Variants in EPHX2 observed in about 807,000 individuals in gnomAD.
EPHX2 encodes the protein bifunctional epoxide hydrolase 2.
Under a neutral mutation model 78.7 loss-of-function variants are expected in EPHX2, and 74 were observed. The ratio of observed to expected loss-of-function variants is 0.94; its 90% CI spans 0.78 to 1.14. The LOEUF (loss-of-function observed/expected upper bound fraction) is 1.14, where lower values mean the gene tolerates loss of function less well. EPHX2 is among the 50% of genes most tolerant of loss of function. The pLI, the probability that EPHX2 is intolerant of heterozygous loss-of-function variation, is 0.00. For missense variants in EPHX2, 715 were observed against 702.5 expected (o/e 1.02, Z -0.20); for synonymous variants, 251 against 255.2 (o/e 0.98, Z 0.16).
intron 1 of EPHX2, among the ~76,000 whole-genome samples, chr8:27,493,512 T>C (rs1451494471): frequency 6.6e-6 from 1 of 152,196 alleles, no homozygotes; most frequent in Admixed American, 6.5e-5. Context: ...GGTAGTAGGA[T>C]AATGAAGTAG....
At chr8:27,512,138 T>C in intron 6 of EPHX2, 1 of 511,932 alleles carries the variant, frequency 2.0e-6, no homozygotes, top group Admixed American at 3.4e-5. Context: ...GTGACATTTG[T>C]TAAATATCGA....
chr8:27,516,330 T>G lies in EPHX2; in HGVS notation c.842T>G (p.Leu281Arg). Residue 281 changes from leucine to arginine, a missense_variant, in exon 8 of 19, where the codon CTG (leucine) becomes CGG (arginine). By Grantham distance (102) the Leu-to-Arg change is moderately radical. Coordinates refer to ENST00000521400, the MANE Select transcript of EPHX2 (RefSeq NM_001979.6). Reference sequence around the variant, plus strand: ...CTGTTTGTTTTCTAGATCCCTGCTCTGGCCCAGGCAGGTTACCGGGTCCTA... The same window carrying G: ...CTGTTTGTTTTCTAGATCCCTGCTCGGGCCCAGGCAGGTTACCGGGTCCTA... ...WYSWRYQIPA[L>R]AQAGYRVLAM... The G allele has an allele frequency of 6.2e-7, 1 of 1,613,996 alleles. No individual in the cohort carries two copies. Among genetic ancestry groups the G allele is most frequent in the Non-Finnish European group, 8.5e-7 (1 of 1,179,910 alleles).
At chr8:27,511,427 A>G (rs1275192598) in intron 5 of EPHX2, among the ~76,000 whole-genome samples, 2 of 152,274 alleles carry the variant, frequency 1.3e-5, no homozygotes, top group Admixed American at 1.3e-4. Flanking sequence ...GCCAGTGGCC[A>G]GGGGCTTCGC....
At chr8:27,494,633 T>C (rs10110405) in intron 1 of EPHX2, among the ~76,000 whole-genome samples, 17,561 of 152,266 alleles carry the variant, frequency 0.12, 1,067 homozygotes, top group African/African-American at 0.17. Flanking sequence ...TATTCTTTGT[T>C]CCCCCAGAGG....
chr8:27,530,059 C>T (rs1259013930), intron 12 of EPHX2, among the ~76,000 whole-genome samples: 4 of 133,258 alleles, frequency 3.0e-5, no homozygotes, highest in Non-Finnish European at 6.0e-5. Flanking sequence ...AACATTGAGT[C>T]TCTCTCTCTT....
chr8:27,523,771 T>A (rs962939761), intron 11 of EPHX2, among the ~76,000 whole-genome samples: 8 of 152,228 alleles, frequency 5.3e-5, no homozygotes, highest in African/African-American at 1.9e-4. Flanking sequence ...TCTCTTTCTC[T>A]GTCCCCTCTC....
chr8:27,505,995 TA>T (rs1386084194), intron 4 of EPHX2, among the ~76,000 whole-genome samples: 1 of 152,184 alleles, frequency 6.6e-6, no homozygotes, highest in Non-Finnish European at 1.5e-5. Context: ...CTAATTAATT[TA>T]TTTTTTCTTA....
At position 27,544,431 on chromosome 8, in the gene EPHX2, C is replaced by G. The variant is rs747359301; in HGVS notation, c.1590-13C>G. On this transcript the variant is annotated splice_polypyrimidine_tract_variant and intron_variant, in intron 18 of 18. Transcript: ENST00000521400. ...ATGGCTATTTTTTTCTTTTACTTCTCCCTTTCCCCCAGGCCAACCGAGGTG... is the reference window on the plus strand; with the variant it reads ...ATGGCTATTTTTTTCTTTTACTTCTGCCTTTCCCCCAGGCCAACCGAGGTG... 1 of 1,614,042 alleles carries G rather than the reference C, an allele frequency of 6.2e-7. No individual in the cohort carries two copies. Among genetic ancestry groups the G allele is most frequent in the South Asian group, 1.1e-5 (1 of 91,068 alleles).
At chr8:27,547,307 A>T (rs563364883), downstream of EPHX2, among the ~76,000 whole-genome samples, 2 of 152,314 alleles carry the variant, frequency 1.3e-5, no homozygotes, top group African/African-American at 4.8e-5. Flanking sequence ...CAACTGTTGC[A>T]GTGGTGGTAT....
chr8:27,535,565 G>A (rs1018772469), intron 12 of EPHX2, among the ~76,000 whole-genome samples: 1 of 152,094 alleles, frequency 6.6e-6, no homozygotes, highest in African/African-American at 2.4e-5. Context: ...AACAGCTTTC[G>A]GGTCCACCAT....
chr8:27,512,676 G>T (rs937244417), intron 6 of EPHX2, among the ~76,000 whole-genome samples: 1 of 152,058 alleles, frequency 6.6e-6, no homozygotes, highest in Non-Finnish European at 1.5e-5. Context: ...AATATGAAAG[G>T]ATCTAAAGCA....
chr8:27,537,494 G>A (rs1258407257), intron 13 of EPHX2, among the ~76,000 whole-genome samples: 1 of 152,174 alleles, frequency 6.6e-6, no homozygotes, highest in Admixed American at 6.5e-5. Context: ...TTCTGTCATT[G>A]CTTGTGAGTC....
chr8:27,526,970 G>T (rs868011581), intron 12 of EPHX2, among the ~76,000 whole-genome samples: 9 of 151,898 alleles, frequency 5.9e-5, no homozygotes, highest in African/African-American at 2.2e-4. Context: ...AGGCGGAGTC[G>T]CCCTCTGTTG....
rs766377908 is a variant in EPHX2 at position 27,503,752 on chromosome 8, T to TGC, written c.335_336insGC (p.Arg113ProfsTer28). On this transcript the variant is annotated frameshift_variant, in exon 3 of 19. Transcript: ENST00000521400. LOFTEE classifies it high-confidence loss of function. ...CCCATGCTCCAGGCAGCTCTCATGCTCAGGAAGAAAGGTAAGGATCTGATA... is the reference window on the plus strand; with the variant it reads ...CCCATGCTCCAGGCAGCTCTCATGCTGCCAGGAAGAAAGGTAAGGATCTGATA... 6.2e-7 allele frequency: 1 copy of TGC among 1,611,654 alleles called. No individual in the cohort carries two copies. Among genetic ancestry groups the TGC allele is most frequent in the Non-Finnish European group, 8.5e-7 (1 of 1,179,892 alleles).
At chr8:27,532,826 A>T (rs575762260) in intron 12 of EPHX2, among the ~76,000 whole-genome samples, 5 of 152,306 alleles carry the variant, frequency 3.3e-5, no homozygotes, top group African/African-American at 1.2e-4. Context: ...TTAAAATTTT[A>T]AAAAATCAGC....
intron 1 of EPHX2, among the ~76,000 whole-genome samples, chr8:27,492,295 G>A (rs1161923064): frequency 6.6e-6 from 1 of 152,182 alleles, no homozygotes. Flanking sequence ...GATCACTTGA[G>A]GCTGAGAGTT....
Position 27,491,262 on chromosome 8 carries a change from G to A in EPHX2, c.54G>A (p.Ala18=), listed in dbSNP as rs777221050. ...FDLDGVLALP[A]VFGVLGRTEE... is the part of the protein sequence containing the mutation. ...TTGACGGGGTGCTGGCGCTGCCAGC[G>A]GTGTTCGGCGTCCTCGGCCGCACGG... is the stretch of plus-strand genomic sequence containing the variant. The change falls in exon 1 of 19, where the codon GCG becomes GCA. Residue 18 remains alanine (A), a synonymous_variant. Transcript: ENST00000521400. 3.2e-6 allele frequency: 5 copies of A among 1,582,314 alleles called. No individual in the cohort carries two copies. The highest frequency in any genetic ancestry group is 3.4e-5 in the Admixed American group (2 of 58,650).
intron 1 of EPHX2, among the ~76,000 whole-genome samples, chr8:27,498,573 G>T (rs6998607): frequency 0.047 from 7,170 of 152,128 alleles, 538 homozygotes; most frequent in African/African-American, 0.16. Flanking sequence ...CTAGTGTCTT[G>T]TAGTTATTTG....
At chr8:27,525,606 G>A in intron 12 of EPHX2, 133 bp downstream of exon 12, 1 of 826,766 alleles carries the variant, frequency 1.2e-6, no homozygotes, top group Non-Finnish European at 2.0e-6. Context: ...TTACAAATGG[G>A]CTCAGGTGAA....
Sources: allele counts gnomAD v4.1 joint callset (sites outside exome capture counted in the v4.1 genomes callset), GRCh38; gene constraint gnomAD v4.1.1; transcripts MANE v1.5; gene names NCBI Gene and HGNC (gene_info 2026-07-23, HGNC 2026-07-21).